PODNL1: variants seen among roughly 807,000 people sequenced by gnomAD.
PODNL1 encodes the protein podocan-like protein 1.
In PODNL1, 50 loss-of-function variants were observed where a neutral mutation model predicts 45.1. The observed-to-expected ratio is 1.11, with a 90% confidence interval of 0.88 to 1.40. The LOEUF (loss-of-function observed/expected upper bound fraction) is 1.40. Ranked by LOEUF, PODNL1 falls within the 40% of genes most tolerant of loss-of-function variation. The probability of loss-of-function intolerance (pLI) is 0.00; values close to 1 mark genes in which losing one functional copy is unlikely to be tolerated. For missense variants in PODNL1, 788 were observed against 793.3 expected (o/e 0.99, Z 0.08); for synonymous variants, 406 against 372.5 (o/e 1.09, Z -1.04).
Position 13,933,382 on chromosome 19 carries a change from T to TC in PODNL1, c.840dup (p.Thr281AspfsTer90). 1.2e-6 allele frequency: 2 copies of TC among 1,607,112 alleles called. No homozygotes were observed. The highest frequency in any genetic ancestry group is 8.5e-7 in the Non-Finnish European group (1 of 1,178,682). ...CGGCCCAGGTGCAGGATAGCCAGGG[T>TC]CCGGGGCAGGCCGGCGGGCACTGTG... On this transcript the variant is annotated frameshift_variant, in exon 8 of 10. Coordinates refer to ENST00000588872, the MANE Select transcript of PODNL1 (RefSeq NM_001370095.3). LOFTEE classifies it high-confidence loss of function. The surrounding 1 kb of genome is among the most constrained non-coding windows in gnomAD (Gnocchi z 5.2).
At chr19:13,940,078 C>CG (rs1232302376), upstream of PODNL1, 6 of 151,352 alleles carry the variant, frequency 4.0e-5, no homozygotes, top group African/African-American at 1.5e-4. Flanking sequence ...GATGACAAAC[C>CG]CCCCCCCTCA....
chr19:13,943,292 A>C (rs1032730108), upstream of PODNL1, among the ~76,000 whole-genome samples: 3 of 143,840 alleles, frequency 2.1e-5, no homozygotes, highest in African/African-American at 7.9e-5. Flanking sequence ...GTGAAACTCC[A>C]AAAAAAAAAA....
intron 1 of PODNL1, among the ~76,000 whole-genome samples, chr19:13,946,213 C>T (rs900693167): frequency 1.3e-5 from 2 of 151,820 alleles, no homozygotes; most frequent in African/African-American, 2.4e-5. Context: ...GGGCGGATCA[C>T]GAGGTAAGGA....
chr19:13,931,556 T>C lies in PODNL1; in HGVS notation c.*181A>G. On this transcript the variant is annotated 3_prime_UTR_variant, in exon 10 of 10. Coordinates refer to ENST00000588872, the MANE Select transcript of PODNL1 (RefSeq NM_001370095.3). ...GGTGTGTCCCGCCAGGCCGGCGTGG[T>C]CTGTGAGCCTGGAGTATGCCAGCTG... 1.7e-6 allele frequency: 1 copy of C among 596,676 alleles called. No individual in the cohort carries two copies. Among genetic ancestry groups the C allele is most frequent in the Non-Finnish European group, 2.5e-6 (1 of 408,070 alleles). 37.0% of individuals were successfully genotyped at this position (596,676 alleles called of 1,614,324 possible). A position where few individuals can be genotyped will look rare whatever the true frequency, so the allele number is the denominator to read the frequency against.
rs1037214704 is a variant in PODNL1, at chr19:13,931,753, C to T, written c.1709G>A (p.Arg570Gln). 72 of 1,231,882 alleles carry T rather than the reference C, an allele frequency of 5.8e-5. 1 individual carries two copies. Among genetic ancestry groups the T allele is most frequent in the African/African-American group, 7.7e-5 (5 of 64,520 alleles). The allele number at this position is 1,231,882 out of a possible 1,614,324, so 76.3% of individuals were successfully genotyped here. A position where few individuals can be genotyped will look rare whatever the true frequency, so the allele number is the denominator to read the frequency against. The stretch of plus-strand genomic sequence containing the variant: ...TCTCTAGGATCAGGGGCCCCCTGCC[C>T]GTGGCCCACGTGGGGTGGTGGGAGG... ...RLPPTTPRGP[R>Q]AGGP The change falls in exon 10 of 10, where the codon CGG becomes CAG. Residue 570 changes from arginine to glutamine, a missense_variant. Transcript: ENST00000588872.
intron 2 of PODNL1, among the ~76,000 whole-genome samples, chr19:13,937,444 C>T (rs1172774789): frequency 1.4e-5 from 2 of 147,992 alleles, no homozygotes; most frequent in African/African-American, 5.0e-5. Flanking sequence ...CCAAATGTGC[C>T]ATCACCCCCA....
Position 13,933,862 on chromosome 19 carries a change from C to T in PODNL1, c.767+16G>A, listed in dbSNP as rs1568431802. The T allele has an allele frequency of 2.5e-6, 4 of 1,579,530 alleles. No homozygotes were observed. The highest frequency in any genetic ancestry group is 3.4e-6 in the Non-Finnish European group (4 of 1,162,460). The stretch of plus-strand genomic sequence containing the variant: ...TGTAAATTCTCAGCCCCTGCTGCCC[C>T]CCAACCAGCCTGTACCTGAAGGTGG... On this transcript the variant is annotated intron_variant, in intron 7 of 9. Coordinates refer to ENST00000588872, the MANE Select transcript of PODNL1 (RefSeq NM_001370095.3). This position sits in a 1 kb window ranked among gnomAD's most constrained non-coding sequence, Gnocchi z 5.2.
At position 13,933,697 on chromosome 19, in the gene PODNL1, C is replaced by G. The variant is rs972454243; in HGVS notation, c.767+181G>C. 1.3e-5 allele frequency among the ~76,000 whole-genome samples: 2 copies of G among 152,072 alleles called. No homozygotes were observed. On this transcript the variant is annotated intron_variant, in intron 7 of 9. Transcript: ENST00000588872. This position sits in a 1 kb window ranked among gnomAD's most constrained non-coding sequence, Gnocchi z 5.2. ...GAGATGGAAAGGCATGTGAGACTTA[C>G]GATGTCAGTGCAGGGCTGTGGGGAA...
chr19:13,937,710 C>G, intron 2 of PODNL1, 75 bp downstream of exon 2: 1 of 1,401,934 alleles, frequency 7.1e-7, no homozygotes, highest in Non-Finnish European at 9.8e-7. Context: ...CTCCTCAGCT[C>G]TGGGGCACCC....
At chr19:13,951,558 A>C (rs1436595295) in intron 1 of PODNL1, among the ~76,000 whole-genome samples, 2 of 152,158 alleles carry the variant, frequency 1.3e-5, no homozygotes, top group African/African-American at 4.8e-5. Flanking sequence ...GGATCACCTG[A>C]GGTCAGGAGT....
Position 13,932,863 on chromosome 19 carries a change from C to T in PODNL1, c.1360G>A (p.Ala454Thr), listed in dbSNP as rs1336359715. The T allele has an allele frequency of 1.9e-6, 3 of 1,610,726 alleles. No homozygotes were observed. The African/African-American group carries it at 4.0e-5, about 22-fold the overall frequency. Reference protein sequence around the residue: ...GLDQLRELSLAHNRLRVGDIG... With the variant: ...GLDQLRELSLTHNRLRVGDIG... ...TCGCCGACCCGGAGCCGGTTGTGCG[C>T]CAGGCTGAGCTCCCGCAGTTGGTCC... Residue 454 changes from alanine to threonine, a missense_variant, in exon 8 of 10, where the codon GCG becomes ACG. This residue lies in a region of PODNL1 where 762 missense variants were observed against 750.9 expected (regional missense o/e 1.01). Transcript: ENST00000588872.
At position 13,934,397 on chromosome 19, in the gene PODNL1, GGA is replaced by G; in HGVS notation, c.506_507del (p.Leu169ProfsTer68). 1 of 1,540,066 alleles carries G rather than the reference GGA, an allele frequency of 6.5e-7. No individual in the cohort carries two copies. Among genetic ancestry groups the G allele is most frequent in the South Asian group, 1.2e-5 (1 of 80,908 alleles). ...GEKPALRSVY[L>X]HNNQLSNAGL... ...CCAGCGTTGCTCAGCTGGTTGTTGT[GGA>G]GGTACACGGACCTGAGGAGAGCCAG... is the stretch of plus-strand genomic sequence containing the variant. On this transcript the variant is annotated frameshift_variant, in exon 6 of 10. Coordinates refer to ENST00000588872, the MANE Select transcript of PODNL1 (RefSeq NM_001370095.3). LOFTEE classifies it high-confidence loss of function.
chr19:13,938,170 C>T lies in PODNL1; in HGVS notation c.3+9G>A, dbSNP rs571556793. On this transcript the variant is annotated intron_variant, in intron 1 of 9. Coordinates refer to ENST00000588872, the MANE Select transcript of PODNL1 (RefSeq NM_001370095.3). ...CCCCACCCTCAGACCCTCCCGTGCC[C>T]CACCTTACCATGGCCAGCCCTGACT... 13 of 1,604,998 alleles carry T rather than the reference C, an allele frequency of 8.1e-6. No homozygotes were observed. In the East Asian group the frequency reaches 2.9e-4, roughly 36 times the overall value.
rs567613608 is a variant in PODNL1 at position 13,933,314 on chromosome 19, C to T, written c.909G>A (p.Ala303=). 22 of 1,594,322 alleles carry T rather than the reference C, an allele frequency of 1.4e-5. 1 individual carries two copies. The highest frequency in any genetic ancestry group is 1.0e-4 in the South Asian group (9 of 89,580). ...RQVEAARLHG[A]RGLRYLLLQH... is the part of the protein sequence containing the mutation. The stretch of plus-strand genomic sequence containing the variant: ...GCAGCAACAAATAGCGCAGACCACG[C>T]GCCCCGTGCAGCCGAGCCGCCTCCA... Residue 303 remains alanine, a synonymous_variant, in exon 8 of 10, where the codon GCG becomes GCA. Coordinates refer to ENST00000588872, the MANE Select transcript of PODNL1 (RefSeq NM_001370095.3). This position sits in a 1 kb window ranked among gnomAD's most constrained non-coding sequence, Gnocchi z 5.2.
chr19:13,952,340 G>A (rs1344201632), intron 1 of PODNL1, among the ~76,000 whole-genome samples: 1 of 152,224 alleles, frequency 6.6e-6, no homozygotes, highest in Admixed American at 6.5e-5. Flanking sequence ...GGCCGCGGGG[G>A]CTGTTACTGT....
chr19:13,932,684 C>G (rs1359141952), intron 8 of PODNL1, 114 bp downstream of exon 8: 1 of 1,588,692 alleles, frequency 6.3e-7, no homozygotes, highest in African/African-American at 1.3e-5. Flanking sequence ...CCACTCTTAT[C>G]ATTTTCTTGT....
At position 13,933,647 on chromosome 19, in the gene PODNL1, C is replaced by T. The variant is rs1172273491; in HGVS notation, c.768-192G>A. 2.0e-5 allele frequency among the ~76,000 whole-genome samples: 3 copies of T among 152,040 alleles called. No individual in the cohort carries two copies. Among genetic ancestry groups the T allele is most frequent in the Admixed American group, 6.6e-5 (1 of 15,258 alleles). ...GGGCAGATTCCAGCCTGAGAGTTAG[C>T]TATGGGGGTGACCAGGGTAGAGCCG... is the stretch of plus-strand genomic sequence containing the variant. On this transcript the variant is annotated intron_variant, in intron 7 of 9. Coordinates refer to ENST00000588872, the MANE Select transcript of PODNL1 (RefSeq NM_001370095.3). This position sits in a 1 kb window ranked among gnomAD's most constrained non-coding sequence, Gnocchi z 5.2.
chr19:13,933,531 G>A lies in PODNL1; in HGVS notation c.768-76C>T. The A allele has an allele frequency of 7.0e-7, 1 of 1,435,684 alleles. No individual in the cohort carries two copies. The highest frequency in any genetic ancestry group is 9.3e-7 in the Non-Finnish European group (1 of 1,072,430). 88.9% of individuals were successfully genotyped at this position (1,435,684 alleles called of 1,614,324 possible). A position where few individuals can be genotyped will look rare whatever the true frequency, so the allele number is the denominator to read the frequency against. The stretch of plus-strand genomic sequence containing the variant: ...TGACAGATTTTGGCGGGGAGGCTGG[G>A]GAGTGGTCCTGAGACAGATTTAAGC... On this transcript the variant is annotated intron_variant, in intron 7 of 9. Coordinates refer to ENST00000588872, the MANE Select transcript of PODNL1 (RefSeq NM_001370095.3). This position sits in a 1 kb window ranked among gnomAD's most constrained non-coding sequence, Gnocchi z 5.2.
rs1424461803 is a variant in PODNL1, at chr19:13,933,620, C to A, written c.768-165G>T. ...GGGTGGGAGGTAAACTTGGGGTGCC[C>A]AGGGCAGATTCCAGCCTGAGAGTTA... On this transcript the variant is annotated intron_variant, in intron 7 of 9. Coordinates refer to ENST00000588872, the MANE Select transcript of PODNL1 (RefSeq NM_001370095.3). This position sits in a 1 kb window ranked among gnomAD's most constrained non-coding sequence, Gnocchi z 5.2. Among the ~76,000 whole-genome samples, 1 of 152,056 alleles carries A rather than the reference C, an allele frequency of 6.6e-6. No homozygotes were observed. Among genetic ancestry groups the A allele is most frequent in the Non-Finnish European group, 1.5e-5 (1 of 67,996 alleles).
Sources: allele counts gnomAD v4.1 joint callset (sites outside exome capture counted in the v4.1 genomes callset), GRCh38; gene constraint gnomAD v4.1.1; regional missense constraint gnomAD v4.1.1; non-coding constraint Gnocchi (gnomAD v3.1); transcripts MANE v1.5; gene names NCBI Gene and HGNC (gene_info 2026-07-23, HGNC 2026-07-21).